Variants in PTPRM observed in about 807,000 individuals in gnomAD.
The protein encoded by PTPRM is protein tyrosine phosphatase receptor type M.
In PTPRM, 47 loss-of-function variants were observed where a neutral mutation model predicts 186.7. That is an observed-to-expected ratio of 0.25 (90% CI 0.20 to 0.32). The LOEUF is 0.32. Among genes scored for constraint, PTPRM ranks in the 10% least tolerant of loss-of-function variants. The pLI, the probability that PTPRM is intolerant of heterozygous loss-of-function variation, is 1.00. For missense variants in PTPRM, 1,494 were observed against 1,865.0 expected, an observed-to-expected ratio of 0.80 and a Z score of 3.66; for synonymous variants, 668 against 674.9, an observed-to-expected ratio of 0.99 and a Z score of 0.16.
intron 22 of PTPRM, among the ~76,000 whole-genome samples, chr18:8,336,770 G>A (rs2095442211): frequency 6.6e-6 from 1 of 151,938 alleles, no homozygotes; most frequent in Non-Finnish European, 1.5e-5. Context: ...ATGAGGTCAG[G>A]AGATCGAGAC....
At chr18:8,168,631 C>T (rs888290370) in intron 14 of PTPRM, among the ~76,000 whole-genome samples, 1 of 152,136 alleles carries the variant, frequency 6.6e-6, no homozygotes, top group African/African-American at 2.4e-5. Context: ...GTGGAATCAA[C>T]ACTAAATTAT....
At chr18:8,011,740 T>C (rs995041063) in intron 7 of PTPRM, among the ~76,000 whole-genome samples, 9 of 152,218 alleles carry the variant, frequency 5.9e-5, no homozygotes, top group Non-Finnish European at 1.2e-4. Context: ...GAATGCATGG[T>C]GGCTAATTAG....
At chr18:7,588,639 T>A (rs1187033765) in intron 1 of PTPRM, among the ~76,000 whole-genome samples, 1 of 152,210 alleles carries the variant, frequency 6.6e-6, no homozygotes, top group Non-Finnish European at 1.5e-5. Context: ...TTGAGTGTGA[T>A]CATAAATGCT....
intron 2 of PTPRM, chr18:7,887,874 C>T: frequency 1.5e-6 from 1 of 684,228 alleles, no homozygotes; most frequent in Non-Finnish European, 2.7e-6. Context: ...AGTCAAATTA[C>T]AGTAACATCC....
chr18:8,379,048 A>T (rs3826631), intron 27 of PTPRM, 119 bp from the exon 28 acceptor site: 8 of 741,998 alleles, frequency 1.1e-5, no homozygotes, highest in South Asian at 4.6e-5. Flanking sequence ...TTGGGGAGGG[A>T]GGGGGAAGGG....
At chr18:7,686,171 A>G (rs1368983465) in intron 1 of PTPRM, among the ~76,000 whole-genome samples, 1 of 152,184 alleles carries the variant, frequency 6.6e-6, no homozygotes. Context: ...AGAAAGGTCC[A>G]TGGGACAAGG....
Position 8,035,651 on chromosome 18 carries a change from C to T in PTPRM, c.1133-34035C>T, listed in dbSNP as rs1420316129. On this transcript the variant is annotated intron_variant, in intron 7 of 32. Transcript: ENST00000580170. ...AGAAATTGCAGATACGGAGGGCTGACTGTACCTATAAAAAGAGGACAGATC... is the reference window on the plus strand; with the variant it reads ...AGAAATTGCAGATACGGAGGGCTGATTGTACCTATAAAAAGAGGACAGATC... Among the ~76,000 whole-genome samples, 309 of 152,232 alleles carry T rather than the reference C, an allele frequency of 2.0e-3. 4 individuals are homozygous for T. The highest frequency in any genetic ancestry group is 7.1e-3 in the African/African-American group (295 of 41,544).
chr18:8,190,556 C>A (rs1028850693), intron 14 of PTPRM, among the ~76,000 whole-genome samples: 1 of 152,148 alleles, frequency 6.6e-6, no homozygotes, highest in African/African-American at 2.4e-5. Context: ...AGAGATAATA[C>A]AATCTGTTCA....
At chr18:8,226,270 T>TC (rs1322584032) in intron 14 of PTPRM, among the ~76,000 whole-genome samples, 24 of 127,748 alleles carry the variant, frequency 1.9e-4, no homozygotes, top group East Asian at 1.2e-3. Context: ...GCCCCCAATA[T>TC]CCCCCCCACA....
At chr18:7,892,284 G>A (rs915167489) in intron 3 of PTPRM, among the ~76,000 whole-genome samples, 1 of 152,180 alleles carries the variant, frequency 6.6e-6, no homozygotes, top group African/African-American at 2.4e-5. Context: ...GCAGTCAGAC[G>A]TGGAATTTCT....
At chr18:7,862,613 A>C (rs1240345525) in intron 2 of PTPRM, among the ~76,000 whole-genome samples, 1 of 152,240 alleles carries the variant, frequency 6.6e-6, no homozygotes, top group African/African-American at 2.4e-5. Context: ...GGGTAAGAAA[A>C]GTAAAATGGG....
intron 1 of PTPRM, among the ~76,000 whole-genome samples, chr18:7,639,272 G>A (rs1241285130): frequency 2.0e-5 from 3 of 152,014 alleles, no homozygotes; most frequent in Admixed American, 2.0e-4. Flanking sequence ...GGGTTTCACC[G>A]TGTTAGCCAG....
intron 2 of PTPRM, among the ~76,000 whole-genome samples, chr18:7,882,721 C>T (rs562598481): frequency 2.4e-4 from 36 of 152,280 alleles, no homozygotes; most frequent in African/African-American, 8.2e-4. Context: ...GGAAAATATT[C>T]TTTTGTTGTT....
chr18:8,217,505 G>A (rs932636871), intron 14 of PTPRM, among the ~76,000 whole-genome samples: 7 of 152,206 alleles, frequency 4.6e-5, no homozygotes, highest in South Asian at 4.2e-4. Context: ...CTTGTTTAAC[G>A]AGCCGTTTTA....
At chr18:7,854,843 T>G (rs2047021295) in intron 2 of PTPRM, among the ~76,000 whole-genome samples, 1 of 151,824 alleles carries the variant, frequency 6.6e-6, no homozygotes, top group African/African-American at 2.4e-5. Context: ...AAGAGAAGCT[T>G]CACTGCTTAT....
At chr18:8,030,667 T>C (rs1472770505) in intron 7 of PTPRM, among the ~76,000 whole-genome samples, 1 of 152,166 alleles carries the variant, frequency 6.6e-6, no homozygotes, top group African/African-American at 2.4e-5. Flanking sequence ...ATCCCTCACA[T>C]GAGGTGTCTT....
At chr18:7,687,799 G>A (rs1337510796) in intron 1 of PTPRM, among the ~76,000 whole-genome samples, 1 of 138,420 alleles carries the variant, frequency 7.2e-6, no homozygotes, top group African/African-American at 2.8e-5. Flanking sequence ...TTTTTTTTAA[G>A]ACGGAGTCTC....
chr18:7,838,830 A>G (rs1432883854), intron 2 of PTPRM, among the ~76,000 whole-genome samples: 1 of 152,178 alleles, frequency 6.6e-6, no homozygotes, highest in Non-Finnish European at 1.5e-5. Flanking sequence ...AAACCTTAGA[A>G]GTTTACCTGG....
intron 1 of PTPRM, among the ~76,000 whole-genome samples, chr18:7,682,732 T>C (rs2039506918): frequency 2.0e-5 from 3 of 152,202 alleles, no homozygotes; most frequent in African/African-American, 7.2e-5. Flanking sequence ...CACAAACATT[T>C]GAGGTTCACA....
Sources: gnomAD v4.1 joint callset for allele counts (sites outside exome capture counted in the v4.1 genomes callset) on GRCh38, gnomAD v4.1.1 for gene constraint, MANE v1.5 for transcripts, NCBI Gene and HGNC (gene_info 2026-07-23, HGNC 2026-07-21) for gene names.